Variants in KATNAL2 observed in about 807,000 individuals in gnomAD.
KATNAL2 encodes the protein katanin catalytic subunit A1 like 2, also known as katanin p60 ATPase-containing subunit A-like 2.
Under a neutral mutation model 76.3 loss-of-function variants are expected in KATNAL2, and 52 were observed. The ratio of observed to expected loss-of-function variants is 0.68; its 90% CI spans 0.55 to 0.86. The LOEUF is 0.86. Among genes scored for constraint, KATNAL2 ranks in the 40% least tolerant of loss-of-function variants. The pLI is 0.00. For synonymous variants in KATNAL2, 243 were observed against 244.2 expected (o/e 1.00, Z 0.05); for missense variants, 660 against 668.9 (o/e 0.99, Z 0.15).
At chr18:47,097,562 G>A (rs1202472436) in intron 15 of KATNAL2, among the ~76,000 whole-genome samples, 3 of 152,188 alleles carry the variant, frequency 2.0e-5, no homozygotes, top group Admixed American at 6.5e-5. Flanking sequence ...AATTCAGAAT[G>A]TGGGACATTC....
At chr18:47,052,569 C>G (rs139193075) in intron 4 of KATNAL2, among the ~76,000 whole-genome samples, 4 of 152,326 alleles carry the variant, frequency 2.6e-5, no homozygotes, top group Admixed American at 2.0e-4. Context: ...AAAGACAAAT[C>G]ACAAGATGTT....
At chr18:47,068,696 C>G (rs768785638) in intron 11 of KATNAL2, among the ~76,000 whole-genome samples, 7 of 152,210 alleles carry the variant, frequency 4.6e-5, no homozygotes, top group Non-Finnish European at 8.8e-5. Context: ...GAGAGACTTC[C>G]TGAAGGCTAC....
chr18:46,954,304 CCTTCTT>C (rs1158582081), intron 3 of KATNAL2, among the ~76,000 whole-genome samples: 16 of 149,642 alleles, frequency 1.1e-4, no homozygotes, highest in Middle Eastern at 3.5e-3. Flanking sequence ...GTTTTCTTCT[CCTTCTT>C]CTTCTTCTTC....
intron 10 of KATNAL2, among the ~76,000 whole-genome samples, chr18:47,066,560 T>C (rs981142750): frequency 6.6e-6 from 1 of 152,072 alleles, no homozygotes; most frequent in Admixed American, 6.5e-5. Context: ...AGAAAGTGTT[T>C]GTGAGATCAA....
At chr18:46,958,267 G>A (rs552046422) in intron 3 of KATNAL2, among the ~76,000 whole-genome samples, 1 of 152,114 alleles carries the variant, frequency 6.6e-6, no homozygotes, top group Admixed American at 6.5e-5. Context: ...TATATCATTG[G>A]CTCTTCTGGT....
At chr18:47,043,971 G>T (rs994029129) in intron 3 of KATNAL2, among the ~76,000 whole-genome samples, 10 of 152,128 alleles carry the variant, frequency 6.6e-5, no homozygotes, top group African/African-American at 2.2e-4. Flanking sequence ...AGACAGCTTA[G>T]TTCTCATCTG....
intron 15 of KATNAL2, among the ~76,000 whole-genome samples, chr18:47,094,846 A>G (rs1318198813): frequency 6.6e-6 from 1 of 151,866 alleles, no homozygotes; most frequent in Non-Finnish European, 1.5e-5. Context: ...CCTCCATTTT[A>G]CCCTCTACCA....
intron 1 of KATNAL2, among the ~76,000 whole-genome samples, chr18:46,923,845 A>G (rs1161279907): frequency 6.6e-6 from 1 of 152,060 alleles, no homozygotes; most frequent in Non-Finnish European, 1.5e-5. Flanking sequence ...GCATTTTTTC[A>G]TGTGTCTTTT....
intron 3 of KATNAL2, chr18:47,034,625 G>T: frequency 6.2e-7 from 1 of 1,614,090 alleles, no homozygotes; most frequent in Non-Finnish European, 8.5e-7. Context: ...CCCTGGGGTT[G>T]GCCCTGGCAG....
intron 1 of KATNAL2, among the ~76,000 whole-genome samples, chr18:46,933,767 T>C (rs556761586): frequency 0.3 from 37 of 124 alleles, no homozygotes; most frequent in African/African-American, 0.4. Context: ...ATTAGGTATA[T>C]CCCCTAATGG....
intron 1 of KATNAL2, among the ~76,000 whole-genome samples, chr18:46,932,673 CAAAA>C (rs1162695359): frequency 2.3e-5 from 1 of 42,848 alleles, no homozygotes; most frequent in Non-Finnish European, 4.1e-5. Context: ...GACTCTGTCT[CAAAA>C]AAAAAAAAAA....
rs1284108695 is a variant in KATNAL2, at chr18:47,025,643, A to ACACG, written c.52-20814_52-20813insCACG. On this transcript the variant is annotated intron_variant, in intron 3 of 17. Coordinates refer to ENST00000683218, the MANE Select transcript of KATNAL2 (RefSeq NM_001387690.1). ...CTGAGAATTACCCTCCGTGTTGTGC[A>ACACG]GAGAAATAAGTAAATTTGCTGTGTT... Among the ~76,000 whole-genome samples the ACACG allele has an allele frequency of 1.1e-4, 16 of 152,246 alleles. No individual in the cohort carries two copies. In the East Asian group the frequency reaches 2.8e-3, roughly 26 times the overall value.
intron 3 of KATNAL2, chr18:47,033,011 G>A: frequency 6.2e-7 from 1 of 1,614,084 alleles, no homozygotes; most frequent in Non-Finnish European, 8.5e-7. Context: ...GTTTATCGTC[G>A]GGAGAATCTT....
chr18:46,949,925 T>A (rs1222055280), intron 3 of KATNAL2, among the ~76,000 whole-genome samples: 2 of 152,192 alleles, frequency 1.3e-5, no homozygotes, highest in East Asian at 3.9e-4. Context: ...ATAGTGCCAC[T>A]CTTTTAATGG....
chr18:47,062,325 G>T (rs372152169), intron 8 of KATNAL2, among the ~76,000 whole-genome samples: 2 of 151,742 alleles, frequency 1.3e-5, no homozygotes, highest in Non-Finnish European at 1.5e-5. Flanking sequence ...TTAAGGCTGC[G>T]GTGAGCTATG....
At position 46,946,067 on chromosome 18, in the gene KATNAL2, C is replaced by T. The variant is rs116490029; in HGVS notation, c.-499C>T. ...TTTTTTTTTTTGTAGATTGAGGAAACTTGAATATTTTTGTATCCTGAAGGG... is the reference window on the plus strand; with the variant it reads ...TTTTTTTTTTTGTAGATTGAGGAAATTTGAATATTTTTGTATCCTGAAGGG... On this transcript the variant is annotated 5_prime_UTR_variant, in exon 2 of 18. Coordinates refer to ENST00000683218, the MANE Select transcript of KATNAL2 (RefSeq NM_001387690.1). 3,235 of 367,088 alleles carry T rather than the reference C, an allele frequency of 8.8e-3. 86 individuals carry two copies. The highest frequency in any genetic ancestry group is 0.066 in the African/African-American group (2,977 of 44,860). 22.7% of individuals were successfully genotyped at this position (367,088 alleles called of 1,614,324 possible). A position where few individuals can be genotyped will look rare whatever the true frequency, so the allele number is the denominator to read the frequency against.
intron 1 of KATNAL2, among the ~76,000 whole-genome samples, chr18:46,936,823 C>T (rs181379511): frequency 5.9e-5 from 9 of 152,076 alleles, no homozygotes; most frequent in African/African-American, 2.2e-4. Flanking sequence ...AGTGTGGTGG[C>T]GGGTGCCTGT....
intron 3 of KATNAL2, among the ~76,000 whole-genome samples, chr18:47,032,252 A>G (rs1473776997): frequency 6.6e-6 from 1 of 152,244 alleles, no homozygotes; most frequent in Non-Finnish European, 1.5e-5. Flanking sequence ...TCTAAGAAAT[A>G]GCAGTTTTCT....
chr18:47,061,519 C>G (rs2061631456), intron 8 of KATNAL2, among the ~76,000 whole-genome samples: 1 of 152,212 alleles, frequency 6.6e-6, no homozygotes. Context: ...ACCTCCAACA[C>G]TGGGGATCAC....
Sources: allele counts gnomAD v4.1 joint callset (sites outside exome capture counted in the v4.1 genomes callset), GRCh38; gene constraint gnomAD v4.1.1; transcripts MANE v1.5; gene names NCBI Gene and HGNC (gene_info 2026-07-23, HGNC 2026-07-21).